Variants in SIK3 observed in about 807,000 individuals in gnomAD.
SIK3 encodes serine/threonine-protein kinase SIK3.
A neutral mutation model predicts 144.2 loss-of-function variants in SIK3; 28 were observed. That is an observed-to-expected ratio of 0.19 (90% CI 0.14 to 0.27). The LOEUF (loss-of-function observed/expected upper bound fraction) is 0.27, where lower values mean the gene tolerates loss of function less well. Among genes scored for constraint, SIK3 ranks in the 10% least tolerant of loss-of-function variants. The pLI, the probability that SIK3 is intolerant of heterozygous loss-of-function variation, is 1.00. For synonymous variants in SIK3, 686 were observed against 676.3 expected, an observed-to-expected ratio of 1.01 and a Z score of -0.22; for missense variants, 1,319 against 1,776.0, an observed-to-expected ratio of 0.74 and a Z score of 4.62.
At chr11:117,085,288 T>C (rs910150021) in intron 1 of SIK3, among the ~76,000 whole-genome samples, 3 of 152,042 alleles carry the variant, frequency 2.0e-5, no homozygotes, top group Admixed American at 2.0e-4. Context: ...CGCTCACTTA[T>C]TTTTATTTTT....
chr11:116,947,824 A>C (rs1003688984), intron 3 of SIK3, among the ~76,000 whole-genome samples: 35 of 151,930 alleles, frequency 2.3e-4, no homozygotes, highest in African/African-American at 8.5e-4. Context: ...TCAGCCTCCC[A>C]AAGTGCTGGG....
At chr11:116,884,911 A>G (rs1444823805) in intron 6 of SIK3, among the ~76,000 whole-genome samples, 1 of 152,248 alleles carries the variant, frequency 6.6e-6, no homozygotes, top group Non-Finnish European at 1.5e-5. Context: ...TCTTGACACA[A>G]TGGCACTAAG....
At chr11:116,980,899 C>G (rs995752712) in intron 1 of SIK3, among the ~76,000 whole-genome samples, 4 of 151,876 alleles carry the variant, frequency 2.6e-5, no homozygotes, top group Non-Finnish European at 5.9e-5. Flanking sequence ...AGATCATCAT[C>G]ATAAGTCTGG....
At chr11:117,069,932 T>C (rs557782020) in intron 1 of SIK3, among the ~76,000 whole-genome samples, 107 of 152,352 alleles carry the variant, frequency 7.0e-4, no homozygotes, top group Middle Eastern at 3.4e-3. Flanking sequence ...TTATGAGAAA[T>C]TCGATTTTGA....
chr11:116,954,105 A>G lies in SIK3; in HGVS notation c.393T>C (p.Val131=). The change falls in exon 3 of 25, where the codon GTT becomes GTC. Residue 131 remains valine, a splice_region_variant and synonymous_variant. Transcript: ENST00000445177. ...GATAAATCATCCGTTCTGTCTCCAT[A>G]ACCTGGTGCAAAGGCAGGAAAGTGA... ...CHPHIIRLYQ[V]METERMIYLV... The G allele has an allele frequency of 6.2e-7, 1 of 1,613,862 alleles. No individual in the cohort carries two copies. The highest frequency in any genetic ancestry group is 8.5e-7 in the Non-Finnish European group (1 of 1,179,866).
intron 6 of SIK3, among the ~76,000 whole-genome samples, chr11:116,879,241 C>T (rs77356896): frequency 1.3e-5 from 2 of 151,992 alleles, no homozygotes; most frequent in Admixed American, 6.6e-5. Flanking sequence ...TAATCACAAC[C>T]GTCCTGAAAA....
chr11:116,868,133 G>A, intron 14 of SIK3, 44 bp from the exon 15 acceptor site: 1 of 1,549,566 alleles, frequency 6.5e-7, no homozygotes. Context: ...AAGACAGACA[G>A]GAATATTCCT....
At chr11:117,039,706 A>G (rs1952659594) in intron 1 of SIK3, among the ~76,000 whole-genome samples, 1 of 152,230 alleles carries the variant, frequency 6.6e-6, no homozygotes, top group African/African-American at 2.4e-5. Flanking sequence ...TGGGCACTTA[A>G]TATGTAGTAG....
intron 3 of SIK3, among the ~76,000 whole-genome samples, chr11:116,937,659 G>A (rs1193274976): frequency 6.6e-6 from 1 of 152,140 alleles, no homozygotes; most frequent in Non-Finnish European, 1.5e-5. Flanking sequence ...AAGTGACTAT[G>A]TTAACGTCAT....
chr11:116,961,373 G>A (rs999078117), intron 1 of SIK3, among the ~76,000 whole-genome samples: 1 of 152,106 alleles, frequency 6.6e-6, no homozygotes, highest in African/African-American at 2.4e-5. Context: ...AAACTGCCAA[G>A]TCAGACAGCA....
chr11:116,947,523 ATATATATATATG>A lies in SIK3; in HGVS notation c.454+6509_454+6520del, dbSNP rs796150489. 8.1e-4 allele frequency among the ~76,000 whole-genome samples: 65 copies of A among 80,224 alleles called. 2 individuals carry two copies. The highest frequency in any genetic ancestry group is 5.5e-3 in the South Asian group (18 of 3,298). 52.6% of individuals were successfully genotyped at this position (80,224 alleles called of 152,430 possible). On this transcript the variant is annotated intron_variant, in intron 3 of 24. Coordinates refer to ENST00000445177, the MANE Select transcript of SIK3 (RefSeq NM_001366686.3). ...TTTTTTACTTTAGCTAGGGAAATATATATATATATATGTATGTATGTATGTATGTATGTATGT... is the reference window on the plus strand; with the variant it reads ...TTTTTTACTTTAGCTAGGGAAATATATATGTATGTATGTATGTATGTATGT...
Position 116,927,309 on chromosome 11 carries a change from C to G in SIK3, c.526G>C (p.Val176Leu). The G allele has an allele frequency of 6.2e-7, 1 of 1,614,020 alleles. No individual in the cohort carries two copies. Among genetic ancestry groups the G allele is most frequent in the Non-Finnish European group, 8.5e-7 (1 of 1,179,908 alleles). Residue 176 changes from valine to leucine, a missense_variant, in exon 4 of 25, where the codon GTC becomes CTC. Val to Leu is a conservative substitution (Grantham distance 32). Transcript: ENST00000445177. Reference sequence around the variant, plus strand: ...ATGTTCCGACAGTGACAAAAATAGACAGCTGTGACGATCTGTTTGAACTTC... The same window carrying G: ...ATGTTCCGACAGTGACAAAAATAGAGAGCTGTGACGATCTGTTTGAACTTC... ...RRKFKQIVTA[V>L]YFCHCRNIVH...
chr11:117,032,212 G>A (rs1952292434), intron 1 of SIK3, among the ~76,000 whole-genome samples: 2 of 151,938 alleles, frequency 1.3e-5, no homozygotes, highest in African/African-American at 4.8e-5. Context: ...AAATCTTCCT[G>A]GGCTTTTGAT....
At chr11:116,960,957 G>A (rs1949325474) in intron 1 of SIK3, among the ~76,000 whole-genome samples, 1 of 152,216 alleles carries the variant, frequency 6.6e-6, no homozygotes, top group South Asian at 2.1e-4. Context: ...GGGACAAATT[G>A]AGGGACCAAG....
intron 1 of SIK3, among the ~76,000 whole-genome samples, chr11:116,984,936 C>T (rs879195280): frequency 6.6e-6 from 1 of 152,188 alleles, no homozygotes; most frequent in Admixed American, 6.5e-5. Context: ...TAGGGACCTA[C>T]AAAAGGTTCT....
In SIK3 at chr11:117,051,526, T is replaced by C. The variant is rs114547163; in HGVS notation, c.273+46617A>G. On this transcript the variant is annotated intron_variant, in intron 1 of 24. Coordinates refer to ENST00000445177, the MANE Select transcript of SIK3 (RefSeq NM_001366686.3). ...CTTATTATGAAGGTTTTGGGGTTTT[T>C]TTCCTTGTTTTTTGTTTTTTGAGAC... Among the ~76,000 whole-genome samples, 821 of 152,098 alleles carry C rather than the reference T, an allele frequency of 5.4e-3. 7 individuals carry two copies. Among genetic ancestry groups the C allele is most frequent in the African/African-American group, 0.019 (770 of 41,494 alleles).
chr11:116,929,674 G>A (rs1274248930), intron 3 of SIK3, among the ~76,000 whole-genome samples: 1 of 152,158 alleles, frequency 6.6e-6, no homozygotes, highest in Non-Finnish European at 1.5e-5. Context: ...CTAAATACAA[G>A]TAAACTCTGT....
chr11:117,096,031 C>A (rs1591701929), intron 1 of SIK3, among the ~76,000 whole-genome samples: 1 of 152,130 alleles, frequency 6.6e-6, no homozygotes, highest in Non-Finnish European at 1.5e-5. Context: ...TAAAGGATAC[C>A]AAGGTCTCAG....
At chr11:116,985,838 A>G (rs2135535134) in intron 1 of SIK3, among the ~76,000 whole-genome samples, 1 of 152,354 alleles carries the variant, frequency 6.6e-6, no homozygotes, top group East Asian at 1.9e-4. Flanking sequence ...GAATAATTAC[A>G]AACAAAAAGG....
Sources: gnomAD v4.1 joint callset for allele counts (sites outside exome capture counted in the v4.1 genomes callset) on GRCh38, gnomAD v4.1.1 for gene constraint, MANE v1.5 for transcripts, NCBI Gene and HGNC (gene_info 2026-07-23, HGNC 2026-07-21) for gene names.